Variants in ITGAV observed in about 807,000 individuals in gnomAD.
ITGAV encodes integrin alpha-V.
In ITGAV, 76 loss-of-function variants were observed where a neutral mutation model predicts 143.8. The ratio of observed to expected loss-of-function variants is 0.53; its 90% CI spans 0.44 to 0.64. ITGAV has a LOEUF of 0.64. Ranked by LOEUF, ITGAV falls within the 30% of genes least tolerant of loss-of-function variation. The pLI, the probability that ITGAV is intolerant of heterozygous loss-of-function variation, is 0.00. For missense variants in ITGAV, 1,193 were observed against 1,274.7 expected, an observed-to-expected ratio of 0.94 and a Z score of 0.98; for synonymous variants, 453 against 446.7, an observed-to-expected ratio of 1.01 and a Z score of -0.18.
intron 15 of ITGAV, among the ~76,000 whole-genome samples, chr2:186,653,690 C>G (rs1040034223): frequency 2.0e-5 from 3 of 152,082 alleles, no homozygotes; most frequent in African/African-American, 4.8e-5. Context: ...CCCTGCATAC[C>G]TCTGTGAAGT....
intron 5 of ITGAV, among the ~76,000 whole-genome samples, chr2:186,631,501 G>A (rs1341504129): frequency 1.3e-5 from 2 of 151,814 alleles, no homozygotes; most frequent in Non-Finnish European, 2.9e-5. Context: ...CTTTTCTTTT[G>A]TGTGTTTATT....
chr2:186,660,963 T>G (rs985769884), intron 18 of ITGAV, among the ~76,000 whole-genome samples: 3 of 152,208 alleles, frequency 2.0e-5, no homozygotes, highest in Non-Finnish European at 4.4e-5. Context: ...AGGGCCCACC[T>G]TAAAGACGTT....
intron 26 of ITGAV, among the ~76,000 whole-genome samples, chr2:186,673,775 C>T (rs1405374575): frequency 6.6e-6 from 1 of 152,080 alleles, no homozygotes; most frequent in East Asian, 1.9e-4. Flanking sequence ...TCAAGCAATT[C>T]TTCTGCCTTG....
In ITGAV at chr2:186,664,576, G is replaced by T. The variant is rs2105742157; in HGVS notation, c.2008G>T (p.Glu670Ter). Residue 670 changes from glutamate to a stop codon, truncating the protein, a stop_gained, in exon 20 of 30, where the codon GAA (glutamate) becomes TAA (stop). Transcript: ENST00000261023. LOFTEE classifies it high-confidence loss of function. ...KAQNQGEGAY[E>*]AELIVSIPLQ... The stretch of plus-strand genomic sequence containing the variant: ...TCAGAATCAAGGAGAAGGTGCCTAC[G>T]AAGCTGAGCTCATCGTTTCCATTCC... The T allele has an allele frequency of 6.2e-7, 1 of 1,614,074 alleles. No individual in the cohort carries two copies. The highest frequency in any genetic ancestry group is 8.5e-7 in the Non-Finnish European group (1 of 1,179,972).
At chr2:186,639,271 AT>A (rs1433136285) in intron 10 of ITGAV, among the ~76,000 whole-genome samples, 1 of 152,164 alleles carries the variant, frequency 6.6e-6, no homozygotes, top group Non-Finnish European at 1.5e-5. Context: ...GTAGAGAAAA[AT>A]CTTTCTCAAA....
intron 1 of ITGAV, among the ~76,000 whole-genome samples, chr2:186,595,893 G>GT (rs1179033269): frequency 6.6e-6 from 1 of 152,116 alleles, no homozygotes; most frequent in Non-Finnish European, 1.5e-5. Flanking sequence ...GATAAGAAAT[G>GT]TTTAAGCTGG....
intron 13 of ITGAV, among the ~76,000 whole-genome samples, chr2:186,649,251 GTTAT>G (rs531170304): frequency 5.0e-4 from 75 of 149,930 alleles, no homozygotes; most frequent in Non-Finnish European, 9.5e-4. Flanking sequence ...AAACTTTTAT[GTTAT>G]TTAATCTGTT....
intron 2 of ITGAV, among the ~76,000 whole-genome samples, chr2:186,616,396 A>G (rs1403337727): frequency 6.9e-6 from 1 of 145,962 alleles, no homozygotes; most frequent in African/African-American, 2.6e-5. Context: ...CTCCTGCCTC[A>G]GCCTCCCAAG....
chr2:186,664,506 G>A lies in ITGAV; in HGVS notation c.1938G>A (p.Lys646=), dbSNP rs1688833256. ...LEVSVDSDQK[K]IYIGDDNPLT... ...TGTTAACTTGTAGTGATCAAAAGAAGATCTATATTGGGGATGACAACCCTC... is the reference window on the plus strand; with the variant it reads ...TGTTAACTTGTAGTGATCAAAAGAAAATCTATATTGGGGATGACAACCCTC... Residue 646 remains lysine (K), a synonymous_variant, in exon 20 of 30, where the codon AAG becomes AAA. Transcript: ENST00000261023. 1 of 1,613,746 alleles carries A rather than the reference G, an allele frequency of 6.2e-7. No individual in the cohort carries two copies. The highest frequency in any genetic ancestry group is 1.1e-5 in the South Asian group (1 of 91,068).
At chr2:186,658,797 C>T (rs1358566967) in intron 17 of ITGAV, among the ~76,000 whole-genome samples, 2 of 152,034 alleles carry the variant, frequency 1.3e-5, no homozygotes, top group African/African-American at 4.8e-5. Context: ...GTTAACATGT[C>T]TCGTACTTTC....
In ITGAV at chr2:186,624,373, A is replaced by G. The variant is rs553008488; in HGVS notation, c.409-1100A>G. The stretch of plus-strand genomic sequence containing the variant: ...AGGAGGTGAAGTTTTAGCAGACTTT[A>G]AAGGATGTGCCACATTTCAGCAATT... On this transcript the variant is annotated intron_variant, in intron 3 of 29. Coordinates refer to ENST00000261023, the MANE Select transcript of ITGAV (RefSeq NM_002210.5). 4.5e-4 allele frequency among the ~76,000 whole-genome samples: 68 copies of G among 152,260 alleles called. 1 individual carries two copies. The highest frequency in any genetic ancestry group is 3.4e-3 in the Middle Eastern group (1 of 294).
chr2:186,657,410 C>G (rs1007839782), intron 17 of ITGAV, among the ~76,000 whole-genome samples: 29 of 152,244 alleles, frequency 1.9e-4, no homozygotes, highest in African/African-American at 6.7e-4. Context: ...AGAATACATA[C>G]TATCACAGTG....
intron 14 of ITGAV, 24 bp downstream of exon 14, chr2:186,649,909 G>A (rs1200137228): frequency 2.0e-6 from 3 of 1,477,692 alleles, no homozygotes; most frequent in Non-Finnish European, 2.8e-6. Context: ...GTATCCTGCG[G>A]TATAGGAATA....
intron 18 of ITGAV, among the ~76,000 whole-genome samples, chr2:186,662,347 C>T (rs764115185): frequency 1.2e-4 from 19 of 152,084 alleles, no homozygotes; most frequent in Admixed American, 3.3e-4. Context: ...AATTAATTCA[C>T]GTATATTTTT....
chr2:186,600,089 G>C (rs1686856886), intron 1 of ITGAV: 1 of 456,692 alleles, frequency 2.2e-6, no homozygotes, highest in South Asian at 5.7e-5. Context: ...TGAACCTTGG[G>C]ATAAAATACA....
Position 186,667,146 on chromosome 2 carries a change from TCAGCTCAAA to T in ITGAV, c.2247-3_2252del. The T allele has an allele frequency of 6.3e-7, 1 of 1,599,784 alleles. No homozygotes were observed. Reference sequence around the variant, plus strand: ...ATTTTTAAGTTTTTTTTTTTCTTTTTCAGCTCAAATCTATTTGACAAAGTAAGCCCAGTT... The same window carrying T: ...ATTTTTAAGTTTTTTTTTTTCTTTTTTCTATTTGACAAAGTAAGCCCAGTT... On this transcript the variant is annotated splice_acceptor_variant and splice_polypyrimidine_tract_variant and coding_sequence_variant and intron_variant, in exon 23 of 30. Transcript: ENST00000261023. LOFTEE classifies it high-confidence loss of function.
At chr2:186,606,544 CT>C (rs1211935144) in intron 2 of ITGAV, among the ~76,000 whole-genome samples, 2 of 152,144 alleles carry the variant, frequency 1.3e-5, no homozygotes, top group African/African-American at 4.8e-5. Flanking sequence ...TCCCTTTTGC[CT>C]TCTTAGAGAC....
rs191499488 is a variant in ITGAV at position 186,673,169 on chromosome 2, A to G, written c.2707-2435A>G. Among the ~76,000 whole-genome samples, 74 of 152,338 alleles carry G rather than the reference A, an allele frequency of 4.9e-4. 1 individual carries two copies. The highest frequency in any genetic ancestry group is 9.3e-4 in the Non-Finnish European group (63 of 68,032). The stretch of plus-strand genomic sequence containing the variant: ...CACCTGTCTGAGCAACATTTGTTGA[A>G]GAAATTATTCTTTCCCCTTAAATGG... On this transcript the variant is annotated intron_variant, in intron 26 of 29. Transcript: ENST00000261023.
At position 186,680,369 on chromosome 2, in the gene ITGAV, GCAT is replaced by G. The variant is rs61764184; in HGVS notation, c.*3078_*3080del. 3.7e-4 allele frequency: 57 copies of G among 152,618 alleles called. No homozygotes were observed. Among genetic ancestry groups the G allele is most frequent in the African/African-American group, 1.3e-3 (53 of 41,542 alleles). The allele number at this position is 152,618 out of a possible 1,614,324, so 9.5% of individuals were successfully genotyped here. ...CTGGTTTGAACGATAGAAATATGCA[GCAT>G]GCAATATATGCTTATATTTCATTTT... On this transcript the variant is annotated 3_prime_UTR_variant, in exon 30 of 30. Transcript: ENST00000261023.
Sources: allele counts gnomAD v4.1 joint callset (sites outside exome capture counted in the v4.1 genomes callset), GRCh38; gene constraint gnomAD v4.1.1; transcripts MANE v1.5; gene names NCBI Gene and HGNC (gene_info 2026-07-23, HGNC 2026-07-21).